TNS1: variants seen among roughly 807,000 people sequenced by gnomAD.
TNS1 encodes tensin-1.
In TNS1, 62 loss-of-function variants were observed where a neutral mutation model predicts 168.6. That is an observed-to-expected ratio of 0.37 (90% confidence interval 0.30 to 0.45). TNS1 has a LOEUF of 0.45. TNS1 is among the 20% of genes least tolerant of loss of function. The pLI is 1.00. For missense variants in TNS1, 2,240 were observed against 2,339.4 expected, an observed-to-expected ratio of 0.96 and a Z score of 0.88; for synonymous variants, 934 against 933.2, an observed-to-expected ratio of 1.00 and a Z score of -0.02.
intron 8 of TNS1, 126 bp from the exon 9 acceptor site, chr2:217,895,182 C>G (rs1481168685): frequency 4.4e-6 from 4 of 910,514 alleles, no homozygotes; most frequent in East Asian, 5.3e-5. Flanking sequence ...CTCTGAAGAG[C>G]CCACGACAGC....
rs899985460 is a variant in TNS1, at chr2:217,880,164, G to T, written c.1429+734C>A. ...CTGGGCATGCTCACTTTCGGAGCCC[G>T]CCCCACGTCTCCTTACACATATGCA... On this transcript the variant is annotated intron_variant, in intron 18 of 32. Coordinates refer to ENST00000682258, the MANE Select transcript of TNS1 (RefSeq NM_001387777.1). The surrounding 1 kb of genome is among the most constrained non-coding windows in gnomAD (Gnocchi z 4.2). 6.6e-6 allele frequency among the ~76,000 whole-genome samples: 1 copy of T among 152,162 alleles called. No homozygotes were observed. Among genetic ancestry groups the T allele is most frequent in the African/African-American group, 2.4e-5 (1 of 41,434 alleles).
intron 1 of TNS1, among the ~76,000 whole-genome samples, chr2:218,024,635 C>T (rs1276529460): frequency 6.6e-6 from 1 of 152,132 alleles, no homozygotes; most frequent in Non-Finnish European, 1.5e-5. Context: ...TCTGAGCACC[C>T]CTGCCCCACA....
rs1437861346 is a variant in TNS1, at chr2:217,882,521, A to G, written c.1247-110T>C. The stretch of plus-strand genomic sequence containing the variant: ...ATACCATATATGTACATGGTTAATA[A>G]TATAATAATAATCAATGTATATTTA... On this transcript the variant is annotated intron_variant, in intron 16 of 32. Coordinates refer to ENST00000682258, the MANE Select transcript of TNS1 (RefSeq NM_001387777.1). 36 of 610,830 alleles carry G rather than the reference A, an allele frequency of 5.9e-5. No individual in the cohort carries two copies. In the East Asian group the frequency reaches 9.9e-4, roughly 17 times the overall value. 37.8% of individuals were successfully genotyped at this position (610,830 alleles called of 1,614,324 possible).
Position 217,848,854 on chromosome 2 carries a change from C to G in TNS1, c.1663G>C (p.Ala555Pro). ...EPVPGASSATAALSPQEKREL... is the reference protein window; with the variant it reads ...EPVPGASSATPALSPQEKREL... ...CGCTTCTCCTGGGGACTCAAGGCAG[C>G]AGTGGCACTGGAGGCCCCGGGGACA... The change falls in exon 19 of 33, where the codon GCT (alanine) becomes CCT (proline). Residue 555 changes from alanine (A) to proline (P), a missense_variant. Coordinates refer to ENST00000682258, the MANE Select transcript of TNS1 (RefSeq NM_001387777.1). The G allele has an allele frequency of 6.2e-7, 1 of 1,614,018 alleles. No homozygotes were observed. Among genetic ancestry groups the G allele is most frequent in the South Asian group, 1.1e-5 (1 of 91,062 alleles).
chr2:217,810,014 G>A, intron 29 of TNS1, 23 bp from the exon 30 acceptor site: 2 of 1,606,762 alleles, frequency 1.2e-6, no homozygotes, highest in Non-Finnish European at 8.5e-7. Context: ...AACCCAAGGG[G>A]GAGTCATGGG....
intron 18 of TNS1, among the ~76,000 whole-genome samples, chr2:217,868,079 G>A (rs1039657705): frequency 6.6e-6 from 1 of 152,236 alleles, no homozygotes; most frequent in Admixed American, 6.5e-5. Flanking sequence ...AACAGTGAGT[G>A]GCCGGTACAG....
intron 16 of TNS1, among the ~76,000 whole-genome samples, chr2:217,884,604 T>C (rs1206808403): frequency 6.6e-6 from 1 of 152,064 alleles, no homozygotes. Context: ...CTCAACAAGA[T>C]TTTTGAGCTC....
intron 19 of TNS1, among the ~76,000 whole-genome samples, chr2:217,836,914 C>T (rs1372134997): frequency 6.6e-6 from 1 of 152,166 alleles, no homozygotes; most frequent in Non-Finnish European, 1.5e-5. Context: ...TCGTGTGCTC[C>T]ATCTGCTTTT....
intron 24 of TNS1, 189 bp from the exon 25 acceptor site, chr2:217,815,187 T>C: frequency 1.7e-6 from 1 of 589,316 alleles, no homozygotes; most frequent in South Asian, 2.0e-5. Context: ...CCTGTATGCC[T>C]GGTGTCCTTA....
chr2:217,973,953 A>G (rs1005256251), intron 3 of TNS1, among the ~76,000 whole-genome samples: 5 of 152,262 alleles, frequency 3.3e-5, no homozygotes, highest in African/African-American at 9.6e-5. Flanking sequence ...CATAGCAATT[A>G]AAAAGAATGA....
At chr2:217,905,311 C>T (rs1452388670) in intron 6 of TNS1, 1 of 410,780 alleles carries the variant, frequency 2.4e-6, no homozygotes, top group Non-Finnish European at 4.9e-6. Context: ...GCAGAACCTT[C>T]CCCACTAATT....
intron 11 of TNS1, among the ~76,000 whole-genome samples, 197 bp downstream of exon 11, chr2:217,892,751 G>T (rs954228023): frequency 5.3e-5 from 8 of 152,246 alleles, no homozygotes; most frequent in Admixed American, 5.2e-4. Flanking sequence ...TGATAGAGAA[G>T]TGGACTCTCC....
chr2:218,029,822 G>A (rs1035040600), intron 1 of TNS1, among the ~76,000 whole-genome samples: 4 of 152,198 alleles, frequency 2.6e-5, no homozygotes, highest in Non-Finnish European at 5.9e-5. Context: ...TCTAGACTCT[G>A]CATGCCAAGT....
At chr2:217,850,291 G>A in intron 18 of TNS1, 1 of 985,382 alleles carries the variant, frequency 1.0e-6, no homozygotes, top group South Asian at 4.7e-5. Context: ...TATGCTGGAG[G>A]ATGGGGGGCA....
At chr2:217,822,071 G>A in intron 22 of TNS1, 133 bp from the exon 23 acceptor site, 2 of 1,015,918 alleles carry the variant, frequency 2.0e-6, no homozygotes, top group Non-Finnish European at 1.4e-6. Context: ...CCAAAGGACA[G>A]GCAGGGCTCC....
At chr2:217,957,406 C>T (rs900045678) in intron 3 of TNS1, among the ~76,000 whole-genome samples, 6 of 152,234 alleles carry the variant, frequency 3.9e-5, no homozygotes, top group African/African-American at 1.4e-4. Flanking sequence ...GACGGTGGGA[C>T]TGGCAGGCTA....
Position 217,812,370 on chromosome 2 carries a change from C to A in TNS1, c.5030G>T (p.Arg1677Leu), listed in dbSNP as rs776954136. ...ALPCKLVIPN[R>L]DPTDESKDSS... ...AGCCAGGAGTCTCACGTTCCTACCT[C>A]GGTTTGGAATGACCAGCTTGCAAGG... The change falls in exon 28 of 33, where the codon CGA becomes CTA. Residue 1677 changes from arginine (R) to leucine (L), a missense_variant and splice_region_variant. Transcript: ENST00000682258. 1 of 1,613,726 alleles carries A rather than the reference C, an allele frequency of 6.2e-7. No homozygotes were observed. The highest frequency in any genetic ancestry group is 8.5e-7 in the Non-Finnish European group (1 of 1,179,842).
In TNS1 at chr2:217,995,632, G is replaced by C. The variant is rs1958455502; in HGVS notation, c.34-4576C>G. Among the ~76,000 whole-genome samples, 1 of 152,146 alleles carries C rather than the reference G, an allele frequency of 6.6e-6. No individual in the cohort carries two copies. Among genetic ancestry groups the C allele is most frequent in the South Asian group, 2.1e-4 (1 of 4,828 alleles). On this transcript the variant is annotated intron_variant, in intron 1 of 32. Transcript: ENST00000682258. This position sits in a 1 kb window ranked among gnomAD's most constrained non-coding sequence, Gnocchi z 4.1. Reference sequence around the variant, plus strand: ...TAGGGCAATGATCGTCACTTTTCCTGACAAGTGGCAGACGGCCTCACGGAG... The same window carrying C: ...TAGGGCAATGATCGTCACTTTTCCTCACAAGTGGCAGACGGCCTCACGGAG...
intron 22 of TNS1, among the ~76,000 whole-genome samples, chr2:217,826,995 C>T (rs1041362412): frequency 6.6e-6 from 1 of 152,242 alleles, no homozygotes; most frequent in Middle Eastern, 3.4e-3. Flanking sequence ...ATGGAAACCC[C>T]CAGGTCCCAG....
Sources: gnomAD v4.1 joint callset for allele counts (sites outside exome capture counted in the v4.1 genomes callset) on GRCh38, gnomAD v4.1.1 for gene constraint, Gnocchi (gnomAD v3.1) non-coding constraint, MANE v1.5 for transcripts, NCBI Gene and HGNC (gene_info 2026-07-23, HGNC 2026-07-21) for gene names.